ITGBL1: variants seen among roughly 807,000 people sequenced by gnomAD.
ITGBL1 encodes integrin beta-like protein 1.
In ITGBL1, 51 loss-of-function variants were observed where a neutral mutation model predicts 68.5. That is an observed-to-expected ratio of 0.74 (90% CI 0.59 to 0.94). The LOEUF (loss-of-function observed/expected upper bound fraction) is 0.94. Ranked by LOEUF, ITGBL1 falls within the 40% of genes least tolerant of loss-of-function variation. The pLI is 0.00. For missense variants in ITGBL1, 649 were observed against 647.4 expected (o/e 1.00, Z -0.03); for synonymous variants, 209 against 227.3 (o/e 0.92, Z 0.72).
intron 7 of ITGBL1, among the ~76,000 whole-genome samples, chr13:101,660,567 A>C (rs534673493): frequency 1.4e-4 from 21 of 152,300 alleles, no homozygotes; most frequent in Non-Finnish European, 2.8e-4. Flanking sequence ...ATCTTAGCAG[A>C]ATTCAGGTCC....
At chr13:101,553,091 G>A (rs2049947574) in intron 2 of ITGBL1, among the ~76,000 whole-genome samples, 1 of 152,164 alleles carries the variant, frequency 6.6e-6, no homozygotes, top group African/African-American at 2.4e-5. Context: ...GGGAATGGAG[G>A]AATCCCAAGT....
intron 2 of ITGBL1, among the ~76,000 whole-genome samples, chr13:101,478,813 G>A (rs2048574003): frequency 6.6e-6 from 1 of 151,898 alleles, no homozygotes; most frequent in Non-Finnish European, 1.5e-5. Context: ...AATTGAAGAG[G>A]ACTCAAAAAA....
intron 2 of ITGBL1, among the ~76,000 whole-genome samples, chr13:101,529,684 C>T (rs1444019994): frequency 1.3e-5 from 2 of 152,138 alleles, no homozygotes; most frequent in Non-Finnish European, 2.9e-5. Context: ...TCATGCTGTT[C>T]TCATGATAGT....
At chr13:101,500,774 A>G (rs150150225) in intron 2 of ITGBL1, among the ~76,000 whole-genome samples, 1 of 152,338 alleles carries the variant, frequency 6.6e-6, no homozygotes, top group African/African-American at 2.4e-5. Flanking sequence ...TATAATAACA[A>G]TGAAAACTAT....
chr13:101,674,318 T>G (rs1411043066), intron 7 of ITGBL1, among the ~76,000 whole-genome samples: 1 of 152,176 alleles, frequency 6.6e-6, no homozygotes, highest in Non-Finnish European at 1.5e-5. Flanking sequence ...CCTCCTCACT[T>G]TACCTTTAAA....
chr13:101,574,352 T>A (rs1754630717), intron 3 of ITGBL1, among the ~76,000 whole-genome samples: 1 of 152,164 alleles, frequency 6.6e-6, no homozygotes, highest in Admixed American at 6.6e-5. Context: ...TCACTTCTCT[T>A]AGCTATGCTT....
intron 7 of ITGBL1, among the ~76,000 whole-genome samples, chr13:101,655,036 G>A (rs1453594149): frequency 6.6e-6 from 1 of 152,186 alleles, no homozygotes; most frequent in Non-Finnish European, 1.5e-5. Context: ...GGGCCACGAG[G>A]AATAGATCAG....
intron 2 of ITGBL1, among the ~76,000 whole-genome samples, chr13:101,521,140 T>C (rs1246816244): frequency 2.6e-5 from 4 of 152,322 alleles, no homozygotes; most frequent in Non-Finnish European, 4.4e-5. Flanking sequence ...ACTTTGCTAA[T>C]GTAAGAGCTG....
At chr13:101,659,067 G>A (rs1365095403) in intron 7 of ITGBL1, among the ~76,000 whole-genome samples, 31 of 139,386 alleles carry the variant, frequency 2.2e-4, no homozygotes, top group African/African-American at 6.6e-4. Context: ...TTTTTGAGGC[G>A]GAATCTCGCT....
intron 7 of ITGBL1, among the ~76,000 whole-genome samples, chr13:101,682,228 G>A (rs2033660638): frequency 6.6e-6 from 1 of 152,078 alleles, no homozygotes; most frequent in Non-Finnish European, 1.5e-5. Flanking sequence ...TAATCTATTT[G>A]TAATAATGCA....
chr13:101,679,567 T>C (rs1042711909), intron 7 of ITGBL1, among the ~76,000 whole-genome samples: 1 of 152,256 alleles, frequency 6.6e-6, no homozygotes, highest in Non-Finnish European at 1.5e-5. Flanking sequence ...ACTTCAGCTC[T>C]ACATTTCCTA....
intron 6 of ITGBL1, among the ~76,000 whole-genome samples, chr13:101,595,378 G>A (rs2029899238): frequency 1.3e-5 from 2 of 152,224 alleles, no homozygotes; most frequent in South Asian, 2.1e-4. Context: ...ATTCATTAGG[G>A]ATCTGCCCCC....
chr13:101,577,131 G>A (rs1229891643), intron 4 of ITGBL1, among the ~76,000 whole-genome samples: 2 of 152,160 alleles, frequency 1.3e-5, no homozygotes, highest in South Asian at 2.1e-4. Context: ...TGAGGCTTAA[G>A]CAATTTCATG....
intron 2 of ITGBL1, among the ~76,000 whole-genome samples, chr13:101,550,742 T>G (rs1413179611): frequency 6.6e-6 from 1 of 152,212 alleles, no homozygotes; most frequent in Non-Finnish European, 1.5e-5. Flanking sequence ...AGTGTGTGCT[T>G]GTGGAAGATT....
At chr13:101,603,680 T>C (rs2030527435) in intron 7 of ITGBL1, among the ~76,000 whole-genome samples, 1 of 106,304 alleles carries the variant, frequency 9.4e-6, no homozygotes, top group South Asian at 3.2e-4. Flanking sequence ...GGCTAACCAC[T>C]GTCTCTTTTT....
intron 2 of ITGBL1, among the ~76,000 whole-genome samples, chr13:101,548,717 A>G (rs1453092577): frequency 5.3e-5 from 8 of 151,784 alleles, no homozygotes. Flanking sequence ...GCTAAAGCAA[A>G]AGAAAACAAA....
intron 2 of ITGBL1, among the ~76,000 whole-genome samples, chr13:101,507,210 A>G (rs7323839): frequency 0.16 from 24,213 of 152,058 alleles, 2,111 homozygotes; most frequent in African/African-American, 0.22. Flanking sequence ...AGTCAGAGCT[A>G]TTTATTCCCT....
chr13:101,671,514 C>G (rs1487243240), intron 7 of ITGBL1, among the ~76,000 whole-genome samples: 5 of 138,654 alleles, frequency 3.6e-5, no homozygotes, highest in Admixed American at 3.1e-4. Context: ...TCTCGGCTCA[C>G]TGCAAGCTCC....
At chr13:101,524,484 T>C (rs1369710402) in intron 2 of ITGBL1, among the ~76,000 whole-genome samples, 8 of 151,946 alleles carry the variant, frequency 5.3e-5, no homozygotes, top group Non-Finnish European at 1.2e-4. Context: ...TGAATACACA[T>C]TTATTTGGGA....
Sources: allele counts gnomAD v4.1 joint callset (sites outside exome capture counted in the v4.1 genomes callset), GRCh38; gene constraint gnomAD v4.1.1; transcripts MANE v1.5; gene names NCBI Gene and HGNC (gene_info 2026-07-23, HGNC 2026-07-21).